SLC4A4: variants seen among roughly 807,000 people sequenced by gnomAD.
SLC4A4 encodes solute carrier family 4 member 4, also known as electrogenic sodium bicarbonate cotransporter 1.
In SLC4A4, 27 loss-of-function variants were observed where a neutral mutation model predicts 111.5. That is an observed-to-expected ratio of 0.24 (90% CI 0.18 to 0.33). The LOEUF is 0.33. Among genes scored for constraint, SLC4A4 ranks in the 10% least tolerant of loss-of-function variants. The probability of loss-of-function intolerance (pLI) is 1.00; values close to 1 mark genes in which losing one functional copy is unlikely to be tolerated. For missense variants in SLC4A4, 909 were observed against 1,315.5 expected (o/e 0.69, Z 4.78); for synonymous variants, 443 against 463.4 (o/e 0.96, Z 0.57).
At chr4:71,335,809 T>A (rs1352795379) in intron 3 of SLC4A4, among the ~76,000 whole-genome samples, 2 of 151,086 alleles carry the variant, frequency 1.3e-5, no homozygotes, top group Non-Finnish European at 2.9e-5. Flanking sequence ...TGGGCAATAG[T>A]GTGAGACTCT....
At chr4:71,393,307 T>G (rs1346158685) in intron 6 of SLC4A4, among the ~76,000 whole-genome samples, 1 of 152,072 alleles carries the variant, frequency 6.6e-6, no homozygotes, top group Non-Finnish European at 1.5e-5. Flanking sequence ...AACAAAAGAT[T>G]TCAGCAAATT....
intron 2 of SLC4A4, among the ~76,000 whole-genome samples, chr4:71,093,659 G>C (rs892408892): frequency 1.3e-5 from 2 of 151,114 alleles, no homozygotes; most frequent in Non-Finnish European, 2.9e-5. Context: ...CTCAATAAAT[G>C]ATTGCTATTG....
Position 71,369,282 on chromosome 4 carries a change from A to G in SLC4A4, c.730+12095A>G, listed in dbSNP as rs573094771. 5.3e-5 allele frequency among the ~76,000 whole-genome samples: 8 copies of G among 152,304 alleles called. No homozygotes were observed. The South Asian group carries it at 1.2e-3, about 24-fold the overall frequency. ...AGATGTAAATATTCCTAAAGTCGTA[A>G]TTGCTGACTTATTTCTTCTACTGTC... On this transcript the variant is annotated intron_variant, in intron 6 of 25. Coordinates refer to ENST00000264485, the MANE Select transcript of SLC4A4 (RefSeq NM_001098484.3).
At chr4:71,418,066 T>TA (rs1010023753) in intron 7 of SLC4A4, among the ~76,000 whole-genome samples, 3 of 152,184 alleles carry the variant, frequency 2.0e-5, no homozygotes, top group South Asian at 2.1e-4. Context: ...ACAATTTTTT[T>TA]AAAAAAATAA....
At chr4:71,272,519 G>C (rs1722770729) in intron 3 of SLC4A4, among the ~76,000 whole-genome samples, 1 of 152,070 alleles carries the variant, frequency 6.6e-6, no homozygotes, top group African/African-American at 2.4e-5. Flanking sequence ...TTAAGCAAGT[G>C]GTAAAGTTGT....
At position 71,453,689 on chromosome 4, in the gene SLC4A4, G is replaced by C; in HGVS notation, c.1497+20G>C. On this transcript the variant is annotated intron_variant, in intron 12 of 25. Transcript: ENST00000264485. ...ATGCAGGTGGGTATGGTTTTGAGGA[G>C]GACACAAATAGTACAGCCCAGATTG... 6.2e-7 allele frequency: 1 copy of C among 1,613,208 alleles called. No individual in the cohort carries two copies. Among genetic ancestry groups the C allele is most frequent in the Non-Finnish European group, 8.5e-7 (1 of 1,179,366 alleles).
intron 7 of SLC4A4, among the ~76,000 whole-genome samples, chr4:71,414,151 G>A (rs1721633604): frequency 6.6e-6 from 1 of 152,236 alleles, no homozygotes; most frequent in Non-Finnish European, 1.5e-5. Context: ...AAAAAGTTGT[G>A]TGTAATTTCC....
At chr4:71,555,287 A>C (rs376528697) in intron 21 of SLC4A4, 79 bp downstream of exon 21, 26 of 948,926 alleles carry the variant, frequency 2.7e-5, no homozygotes, top group Admixed American at 1.4e-4. Flanking sequence ...TCTTTGAAGA[A>C]AAGTGCTAAT....
At chr4:71,534,477 G>C (rs1485309811) in intron 18 of SLC4A4, 89 bp downstream of exon 18, 1 of 1,275,972 alleles carries the variant, frequency 7.8e-7, no homozygotes, top group Non-Finnish European at 1.1e-6. Flanking sequence ...AGGGAGCTTT[G>C]TTGGGAGTTA....
At chr4:71,553,820 T>G (rs1736242035) in intron 20 of SLC4A4, among the ~76,000 whole-genome samples, 1 of 151,854 alleles carries the variant, frequency 6.6e-6, no homozygotes, top group East Asian at 1.9e-4. Context: ...TGGTGACTGT[T>G]AGGTATTACA....
intron 2 of SLC4A4, among the ~76,000 whole-genome samples, chr4:71,147,433 A>C (rs1744206220): frequency 6.6e-6 from 1 of 152,034 alleles, no homozygotes; most frequent in Admixed American, 6.6e-5. Context: ...GCAGTCAGAG[A>C]GATGAATTCC....
At chr4:71,166,937 G>A (rs1277745279) in intron 2 of SLC4A4, among the ~76,000 whole-genome samples, 1 of 152,144 alleles carries the variant, frequency 6.6e-6, no homozygotes, top group Non-Finnish European at 1.5e-5. Flanking sequence ...TTGAATGTTT[G>A]AGTAACTGGC....
At chr4:71,191,752 T>C (rs1316678473) in intron 1 of SLC4A4, among the ~76,000 whole-genome samples, 2 of 152,204 alleles carry the variant, frequency 1.3e-5, no homozygotes, top group African/African-American at 2.4e-5. Context: ...ACTTTTGTTT[T>C]TCATGTAGAA....
chr4:71,098,913 C>A (rs1480881218), intron 2 of SLC4A4, among the ~76,000 whole-genome samples: 1 of 152,070 alleles, frequency 6.6e-6, no homozygotes, highest in African/African-American at 2.4e-5. Flanking sequence ...ACCTTACTAC[C>A]CTAAACACAT....
chr4:71,324,129 G>T (rs1727327040), intron 3 of SLC4A4, among the ~76,000 whole-genome samples: 3 of 151,878 alleles, frequency 2.0e-5, no homozygotes, highest in Admixed American at 2.0e-4. Context: ...ATATGCAGAT[G>T]GCGCAATTGG....
chr4:71,535,552 C>T (rs1578135657), intron 18 of SLC4A4, among the ~76,000 whole-genome samples: 2 of 151,976 alleles, frequency 1.3e-5, no homozygotes, highest in African/African-American at 2.4e-5. Context: ...GGCTAGCTCC[C>T]GAAGCATGTT....
intron 7 of SLC4A4, among the ~76,000 whole-genome samples, chr4:71,406,143 A>G (rs1044406575): frequency 1.3e-5 from 2 of 152,140 alleles, no homozygotes; most frequent in Non-Finnish European, 2.9e-5. Context: ...ACACATTTGC[A>G]GCTTGGATCT....
chr4:71,139,035 CAA>C (rs5859250), intron 2 of SLC4A4, among the ~76,000 whole-genome samples: 419 of 42,744 alleles, frequency 9.8e-3, no homozygotes, highest in Non-Finnish European at 0.013. Flanking sequence ...GACTCCGTCT[CAA>C]AAAAAAAAAA....
chr4:71,523,159 A>G (rs1733109843), intron 16 of SLC4A4, among the ~76,000 whole-genome samples: 1 of 151,750 alleles, frequency 6.6e-6, no homozygotes, highest in Non-Finnish European at 1.5e-5. Context: ...GGAGTAAGAA[A>G]TAATGGGCAT....
Sources: gnomAD v4.1 joint callset for allele counts (sites outside exome capture counted in the v4.1 genomes callset) on GRCh38, gnomAD v4.1.1 for gene constraint, MANE v1.5 for transcripts, NCBI Gene and HGNC (gene_info 2026-07-23, HGNC 2026-07-21) for gene names.